Variants in VPS45 observed in about 807,000 individuals in gnomAD.
The protein encoded by VPS45 is vacuolar protein sorting 45 homolog.
A neutral mutation model predicts 75.9 loss-of-function variants in VPS45; 35 were observed. The ratio of observed to expected loss-of-function variants is 0.46; its 90% confidence interval spans 0.35 to 0.61. VPS45 has a LOEUF of 0.61. VPS45 is among the 20% of genes least tolerant of loss of function. The pLI is 0.00. For synonymous variants in VPS45, 220 were observed against 238.2 expected, an observed-to-expected ratio of 0.92 and a Z score of 0.70; for missense variants, 559 against 685.9, an observed-to-expected ratio of 0.81 and a Z score of 2.07.
chr1:150,112,142 G>A (rs1266988599), intron 14 of VPS45, among the ~76,000 whole-genome samples: 1 of 151,828 alleles, frequency 6.6e-6, no homozygotes, highest in Non-Finnish European at 1.5e-5. Flanking sequence ...TTCCACAATT[G>A]AAGTATTCCT....
intron 10 of VPS45, among the ~76,000 whole-genome samples, chr1:150,085,165 C>T (rs1372799364): frequency 6.6e-6 from 1 of 151,916 alleles, no homozygotes; most frequent in Non-Finnish European, 1.5e-5. Flanking sequence ...CTGATATTTA[C>T]CACAAAAAAT....
intron 14 of VPS45, among the ~76,000 whole-genome samples, chr1:150,136,453 G>C (rs587612711): frequency 7.7e-4 from 117 of 151,974 alleles, no homozygotes; most frequent in Non-Finnish European, 1.4e-3. Context: ...TATTGAGGAG[G>C]CTAAGGCAAG....
Position 150,091,356 on chromosome 1 carries a change from A to G in VPS45, c.1105-581A>G, listed in dbSNP as rs1656316865. Among the ~76,000 whole-genome samples, 3 of 152,220 alleles carry G rather than the reference A, an allele frequency of 2.0e-5. No individual in the cohort carries two copies. In the South Asian group the frequency reaches 6.2e-4, roughly 31 times the overall value. On this transcript the variant is annotated intron_variant, in intron 10 of 14. Coordinates refer to ENST00000644510, the MANE Select transcript of VPS45 (RefSeq NM_007259.5). ...AGGTCCTGAATATGAGGATTAAAAA[A>G]TGTAAACATGGCTTCTCCTGGCCCC...
chr1:150,092,496 C>A, intron 12 of VPS45, 87 bp downstream of exon 12: 3 of 1,081,722 alleles, frequency 2.8e-6, no homozygotes, highest in Non-Finnish European at 2.7e-6. Context: ...TTCAAAGTAT[C>A]TTGAAGATTG....
intron 14 of VPS45, among the ~76,000 whole-genome samples, chr1:150,133,676 T>G (rs1553812924): frequency 1.3e-5 from 2 of 152,220 alleles, no homozygotes; most frequent in African/African-American, 4.8e-5. Flanking sequence ...TAGTTGTGGT[T>G]GTTCTGACAC....
chr1:150,076,456 A>G (rs1655391040), intron 4 of VPS45, 144 bp downstream of exon 4: 1 of 566,400 alleles, frequency 1.8e-6, no homozygotes. Context: ...AATGAGGAAT[A>G]TTGTTTTCAG....
intron 7 of VPS45, among the ~76,000 whole-genome samples, chr1:150,080,716 G>A (rs1344397822): frequency 6.6e-6 from 1 of 152,140 alleles, no homozygotes; most frequent in Admixed American, 6.5e-5. Context: ...GGAAAATTTG[G>A]AGATTTCTCA....
chr1:150,097,173 C>T (rs1275012496), intron 13 of VPS45, among the ~76,000 whole-genome samples: 7 of 150,912 alleles, frequency 4.6e-5, no homozygotes, highest in African/African-American at 7.3e-5. Flanking sequence ...CTGCAATCCC[C>T]GCCTCCTGGG....
At chr1:150,120,864 C>CTTTTT (rs370159689) in intron 14 of VPS45, among the ~76,000 whole-genome samples, 3 of 86,038 alleles carry the variant, frequency 3.5e-5, no homozygotes, top group African/African-American at 4.0e-5. Flanking sequence ...TAGCAACATT[C>CTTTTT]TTTTTTTTTT....
chr1:150,076,874 T>C, intron 4 of VPS45, 42 bp from the exon 5 acceptor site: 1 of 1,606,938 alleles, frequency 6.2e-7, no homozygotes, highest in Non-Finnish European at 8.5e-7. Context: ...CTTGATACAA[T>C]TGAAGTTTAT....
intron 7 of VPS45, 46 bp downstream of exon 7, chr1:150,077,825 T>C (rs782123283): frequency 1.4e-6 from 2 of 1,439,588 alleles, no homozygotes; most frequent in South Asian, 1.1e-5. Context: ...TTTTAAGTGA[T>C]ATTCATCAAA....
intron 13 of VPS45, among the ~76,000 whole-genome samples, chr1:150,097,048 AG>A (rs1553803142): frequency 2.0e-5 from 3 of 151,544 alleles, no homozygotes; most frequent in Non-Finnish European, 4.4e-5. Context: ...AAGCTTTTTA[AG>A]ATATATTAGA....
intron 14 of VPS45, among the ~76,000 whole-genome samples, chr1:150,119,837 G>A (rs74127454): frequency 2.0e-5 from 3 of 152,300 alleles, no homozygotes; most frequent in East Asian, 1.9e-4. Context: ...GGCCGGGCGC[G>A]GTGGCTCATG....
chr1:150,130,866 A>G (rs1423563129), intron 14 of VPS45, among the ~76,000 whole-genome samples: 2 of 152,312 alleles, frequency 1.3e-5, no homozygotes, highest in African/African-American at 2.4e-5. Flanking sequence ...ACTTCATTAC[A>G]TATATTATCT....
chr1:150,071,487 A>G (rs1553797029), intron 2 of VPS45, among the ~76,000 whole-genome samples: 2 of 152,170 alleles, frequency 1.3e-5, no homozygotes, highest in African/African-American at 4.8e-5. Flanking sequence ...TTAATGCTCT[A>G]TATAGGAATT....
intron 9 of VPS45, 84 bp from the exon 10 acceptor site, chr1:150,082,632 C>T (rs1464232113): frequency 9.3e-6 from 14 of 1,503,220 alleles, no homozygotes; most frequent in African/African-American, 5.6e-5. Context: ...AAACAACCCC[C>T]GCTTTCCCCA....
At chr1:150,105,349 AG>A (rs1242709124) in intron 13 of VPS45, among the ~76,000 whole-genome samples, 1 of 152,244 alleles carries the variant, frequency 6.6e-6, no homozygotes, top group Non-Finnish European at 1.5e-5. Context: ...CGCATTCAAT[AG>A]GATTATATAC....
intron 2 of VPS45, among the ~76,000 whole-genome samples, chr1:150,070,840 A>T (rs1017542449): frequency 6.6e-6 from 1 of 151,748 alleles, no homozygotes; most frequent in African/African-American, 2.4e-5. Flanking sequence ...ATTAAAAATA[A>T]TTTTTAAAAA....
intron 14 of VPS45, among the ~76,000 whole-genome samples, chr1:150,135,348 T>C (rs6657062): frequency 0.26 from 39,709 of 151,700 alleles, 7,835 homozygotes; most frequent in African/African-American, 0.56. Flanking sequence ...CTACAACCTC[T>C]GCCTCCCAGG....
Sources: allele counts gnomAD v4.1 joint callset (sites outside exome capture counted in the v4.1 genomes callset), GRCh38; gene constraint gnomAD v4.1.1; transcripts MANE v1.5; gene names NCBI Gene and HGNC (gene_info 2026-07-23, HGNC 2026-07-21).